Variants in DPCD observed in about 807,000 individuals in gnomAD.
The protein encoded by DPCD is deleted in primary ciliary dyskinesia homolog (mouse).
In DPCD, 20 loss-of-function variants were observed where a neutral mutation model predicts 26.4. The observed-to-expected ratio is 0.76, with a 90% confidence interval of 0.53 to 1.10. The LOEUF (loss-of-function observed/expected upper bound fraction) is 1.10. Ranked by LOEUF, DPCD falls within the 50% of genes least tolerant of loss-of-function variation. The pLI is 0.00. For missense variants in DPCD, 202 were observed against 253.9 expected, an observed-to-expected ratio of 0.80 and a Z score of 1.39; for synonymous variants, 97 against 94.2, an observed-to-expected ratio of 1.03 and a Z score of -0.17.
At chr10:101,591,896 G>C (rs993392830) in intron 1 of DPCD, among the ~76,000 whole-genome samples, 6 of 151,910 alleles carry the variant, frequency 3.9e-5, no homozygotes, top group Non-Finnish European at 7.4e-5. Flanking sequence ...ATGTTAACCA[G>C]GCTGGTCTCA....
At chr10:101,609,263 T>A in intron 5 of DPCD, 104 bp from the exon 6 acceptor site, 2 of 1,073,280 alleles carry the variant, frequency 1.9e-6, no homozygotes. Context: ...GCCTCAATTT[T>A]CTCGTGCAAA....
chr10:101,596,070 G>T (rs1361108739), intron 2 of DPCD, among the ~76,000 whole-genome samples: 1 of 152,272 alleles, frequency 6.6e-6, no homozygotes, highest in South Asian at 2.1e-4. Context: ...TAAAACCCAG[G>T]CCTCTTTGTT....
At chr10:101,607,354 G>A (rs966771551) in intron 4 of DPCD, among the ~76,000 whole-genome samples, 1 of 152,180 alleles carries the variant, frequency 6.6e-6, no homozygotes, top group Non-Finnish European at 1.5e-5. Flanking sequence ...TTCCATCCCC[G>A]GTTTGCAGGC....
At chr10:101,598,001 G>A (rs994536284) in intron 2 of DPCD, among the ~76,000 whole-genome samples, 1 of 152,196 alleles carries the variant, frequency 6.6e-6, no homozygotes, top group Non-Finnish European at 1.5e-5. Context: ...AAAAATAAAG[G>A]TGAAGCAGCC....
At position 101,600,823 on chromosome 10, in the gene DPCD, G is replaced by A; in HGVS notation, c.231G>A (p.Gly77=). ...GAGACCCAGCGCCCCTAGGAGCAGGGAACCTGGGGCCTGAACTCATCAAGG... is the reference window on the plus strand; with the variant it reads ...GAGACCCAGCGCCCCTAGGAGCAGGAAACCTGGGGCCTGAACTCATCAAGG... ...EVGDPAPLGA[G]NLGPELIKES... Residue 77 remains glycine (G), a synonymous_variant, in exon 3 of 6, where the codon GGG becomes GGA. Coordinates refer to ENST00000370151, the MANE Select transcript of DPCD (RefSeq NM_015448.3). The surrounding 1 kb of genome is among the most constrained non-coding windows in gnomAD (Gnocchi z 4.7). The A allele has an allele frequency of 6.2e-7, 1 of 1,613,994 alleles. No homozygotes were observed. Among genetic ancestry groups the A allele is most frequent in the East Asian group, 2.2e-5 (1 of 44,862 alleles).
chr10:101,603,833 G>C lies in DPCD; in HGVS notation c.404+2497G>C, dbSNP rs1454864804. On this transcript the variant is annotated intron_variant, in intron 4 of 5. Transcript: ENST00000370151. This position sits in a 1 kb window ranked among gnomAD's most constrained non-coding sequence, Gnocchi z 4.6. ...CTTCTTGCAATCATAGCTCACTGTAGCTTTGAACTCCTGGGCTCAAGGGAT... is the reference window on the plus strand; with the variant it reads ...CTTCTTGCAATCATAGCTCACTGTACCTTTGAACTCCTGGGCTCAAGGGAT... Among the ~76,000 whole-genome samples the C allele has an allele frequency of 1.3e-5, 2 of 152,162 alleles. No individual in the cohort carries two copies. Among genetic ancestry groups the C allele is most frequent in the Non-Finnish European group, 2.9e-5 (2 of 68,024 alleles).
At chr10:101,596,041 G>A (rs745914261) in intron 2 of DPCD, among the ~76,000 whole-genome samples, 16 of 152,152 alleles carry the variant, frequency 1.1e-4, no homozygotes, top group Admixed American at 3.9e-4. Context: ...TAGCTGCTGC[G>A]GCTGTAAAAA....
Position 101,601,223 on chromosome 10 carries a change from C to T in DPCD, c.291C>T (p.Asp97=), listed in dbSNP as rs2063695844. 6.2e-7 allele frequency: 1 copy of T among 1,613,808 alleles called. No individual in the cohort carries two copies. Among genetic ancestry groups the T allele is most frequent in the Non-Finnish European group, 8.5e-7 (1 of 1,179,924 alleles). The change falls in exon 4 of 6, where the codon GAC becomes GAT. Residue 97 remains aspartate, a synonymous_variant. Coordinates refer to ENST00000370151, the MANE Select transcript of DPCD (RefSeq NM_015448.3). ...SNANPIFMRK[D]TKMSFQWRIR... ...TGCAGCCTATCTTCATGCGCAAGGA[C>T]ACCAAGATGAGTTTCCAGTGGCGGA...
intron 2 of DPCD, among the ~76,000 whole-genome samples, chr10:101,597,519 A>C (rs1326444637): frequency 6.6e-6 from 1 of 152,230 alleles, no homozygotes; most frequent in Non-Finnish European, 1.5e-5. Flanking sequence ...CCCACCTGAA[A>C]GATGGGGCCT....
intron 1 of DPCD, among the ~76,000 whole-genome samples, chr10:101,590,723 C>T (rs1457290250): frequency 6.6e-6 from 1 of 151,948 alleles, no homozygotes; most frequent in African/African-American, 2.4e-5. Flanking sequence ...GGACTACAGG[C>T]ATGTGCCACT....
At position 101,609,518 on chromosome 10, in the gene DPCD, T is replaced by G. The variant is rs1464996014; in HGVS notation, c.*47T>G. 2.6e-6 allele frequency: 4 copies of G among 1,565,182 alleles called. No homozygotes were observed. The highest frequency in any genetic ancestry group is 3.5e-6 in the Non-Finnish European group (4 of 1,142,528). On this transcript the variant is annotated 3_prime_UTR_variant, in exon 6 of 6. Transcript: ENST00000370151. ...TCCACCACAGGGGGTGCCGTGAGAC[T>G]TCAAGGCTTGGCCCTTCTTGACCAC...
intron 2 of DPCD, among the ~76,000 whole-genome samples, chr10:101,595,304 T>C (rs1461393678): frequency 1.3e-5 from 2 of 152,184 alleles, no homozygotes; most frequent in East Asian, 1.9e-4. Context: ...AACAGGCTCA[T>C]GGGTAGGGGC....
intron 1 of DPCD, among the ~76,000 whole-genome samples, chr10:101,592,114 A>C (rs1217156684): frequency 1.3e-5 from 2 of 152,018 alleles, no homozygotes; most frequent in African/African-American, 2.4e-5. Context: ...GAATAAATAT[A>C]CTATTAAAAC....
chr10:101,605,133 T>C, intron 4 of DPCD: 2 of 1,550,582 alleles, frequency 1.3e-6, no homozygotes, highest in African/African-American at 2.7e-5. Context: ...TTGCTGCTTT[T>C]CTAAAGGCGG....
At chr10:101,606,727 C>T (rs892163874) in intron 4 of DPCD, among the ~76,000 whole-genome samples, 1 of 152,198 alleles carries the variant, frequency 6.6e-6, no homozygotes, top group African/African-American at 2.4e-5. Flanking sequence ...CGTTATGACC[C>T]TTCCAGAAGC....
chr10:101,604,940 G>C lies in DPCD; in HGVS notation c.404+3604G>C, dbSNP rs558178630. 5.9e-5 allele frequency among the ~76,000 whole-genome samples: 9 copies of C among 152,278 alleles called. No homozygotes were observed. In the South Asian group the frequency reaches 1.9e-3, roughly 32 times the overall value. On this transcript the variant is annotated intron_variant, in intron 4 of 5. Transcript: ENST00000370151. ...AGTAACACTGTGGGAGGTGTTAATAGGCTTCACTAGAAAAAAGGATTCTGT... is the reference window on the plus strand; with the variant it reads ...AGTAACACTGTGGGAGGTGTTAATACGCTTCACTAGAAAAAAGGATTCTGT...
In DPCD at chr10:101,603,435, T is replaced by C. The variant is rs2063712553; in HGVS notation, c.404+2099T>C. The stretch of plus-strand genomic sequence containing the variant: ...CTGCATAGACATTCTTTTTTATTTT[T>C]ATTTTTATTTATTTATTTTTTTTTT... On this transcript the variant is annotated intron_variant, in intron 4 of 5. Transcript: ENST00000370151. This position sits in a 1 kb window ranked among gnomAD's most constrained non-coding sequence, Gnocchi z 4.6. 6.6e-6 allele frequency among the ~76,000 whole-genome samples: 1 copy of C among 152,000 alleles called. No individual in the cohort carries two copies. The highest frequency in any genetic ancestry group is 6.5e-5 in the Admixed American group (1 of 15,286).
chr10:101,605,831 G>C (rs2063729870), intron 4 of DPCD, among the ~76,000 whole-genome samples: 1 of 152,178 alleles, frequency 6.6e-6, no homozygotes, highest in Admixed American at 6.5e-5. Flanking sequence ...AGGAGATTTG[G>C]GGAATTCTCA....
intron 2 of DPCD, 122 bp downstream of exon 2, chr10:101,594,860 C>A: frequency 2.3e-6 from 2 of 875,042 alleles, no homozygotes; most frequent in Non-Finnish European, 1.8e-6. Context: ...CTGGGAGAGA[C>A]GGAAGCCCTC....
Sources: allele counts gnomAD v4.1 joint callset (sites outside exome capture counted in the v4.1 genomes callset), GRCh38; gene constraint gnomAD v4.1.1; non-coding constraint Gnocchi (gnomAD v3.1); transcripts MANE v1.5; gene names NCBI Gene and HGNC (gene_info 2026-07-23, HGNC 2026-07-21).